The following INSIG1 variants were observed in gnomAD, a reference collection of about 807,000 sequenced individuals.
INSIG1 encodes insulin-induced gene 1 protein.
Under a neutral mutation model 26.5 loss-of-function variants are expected in INSIG1, and 14 were observed. That is an observed-to-expected ratio of 0.53 (90% CI 0.35 to 0.83). The LOEUF is 0.83. INSIG1 is among the 40% of genes least tolerant of loss of function. INSIG1 has a pLI of 0.01. For missense variants in INSIG1, 272 were observed against 368.9 expected, an observed-to-expected ratio of 0.74 and a Z score of 2.15; for synonymous variants, 147 against 153.3, an observed-to-expected ratio of 0.96 and a Z score of 0.30.
intron 5 of INSIG1, chr7:155,303,792 C>T: frequency 8.0e-7 from 1 of 1,255,838 alleles, no homozygotes; most frequent in Non-Finnish European, 1.1e-6. Context: ...GTACCTCATG[C>T]TATTTTTAAA....
At chr7:155,303,915 A>C (rs754911057) in intron 5 of INSIG1, 1 of 1,308,080 alleles carries the variant, frequency 7.6e-7, no homozygotes, top group African/African-American at 1.5e-5. Context: ...GCAGTCTTCC[A>C]CTGGTTACTG....
Position 155,302,549 on chromosome 7 carries a change from T to G in INSIG1, c.704+132T>G, listed in dbSNP as rs538543655. On this transcript the variant is annotated intron_variant, in intron 4 of 5. Transcript: ENST00000340368. This position sits in a 1 kb window ranked among gnomAD's most constrained non-coding sequence, Gnocchi z 4.3. ...TGATACAGATTTAGGCATGAAATTCTCAAAAATGCTGCTATCCATAACTTA... is the reference window on the plus strand; with the variant it reads ...TGATACAGATTTAGGCATGAAATTCGCAAAAATGCTGCTATCCATAACTTA... 4 of 1,078,420 alleles carry G rather than the reference T, an allele frequency of 3.7e-6. No individual in the cohort carries two copies. In the South Asian group the frequency reaches 7.2e-5, roughly 19 times the overall value. 66.8% of individuals were successfully genotyped at this position (1,078,420 alleles called of 1,614,324 possible). A position where few individuals can be genotyped will look rare whatever the true frequency, so the allele number is the denominator to read the frequency against.
intron 5 of INSIG1, among the ~76,000 whole-genome samples, chr7:155,304,506 A>T (rs1238391799): frequency 6.6e-6 from 1 of 152,200 alleles, no homozygotes; most frequent in Non-Finnish European, 1.5e-5. Context: ...AATAACATTT[A>T]AAGAGTTGGT....
chr7:155,304,108 C>T (rs1236570352), intron 5 of INSIG1, among the ~76,000 whole-genome samples: 1 of 151,734 alleles, frequency 6.6e-6, no homozygotes, highest in Non-Finnish European at 1.5e-5. Context: ...GGATTACAGG[C>T]ACATGCCACC....
At chr7:155,307,046 A>G (rs1220082704) in intron 5 of INSIG1, among the ~76,000 whole-genome samples, 2 of 152,242 alleles carry the variant, frequency 1.3e-5, no homozygotes, top group African/African-American at 4.8e-5. Flanking sequence ...ATTAGTGAAC[A>G]GGGAGTCAAA....
intron 1 of INSIG1, 57 bp from the exon 2 acceptor site, chr7:155,298,202 G>A: frequency 7.6e-7 from 1 of 1,315,972 alleles, no homozygotes; most frequent in Non-Finnish European, 9.8e-7. Context: ...CGCGTCCCGC[G>A]GGGCCTTCCT....
At position 155,297,922 on chromosome 7, in the gene INSIG1, C is replaced by G. The variant is rs1797659965; in HGVS notation, c.-65C>G. ...ACTCCTCCTTTCCCCCGCCCCGCCT[C>G]CGTTCGGAGAGCCGGCGGGCGGGCG... is the stretch of plus-strand genomic sequence containing the variant. On this transcript the variant is annotated 5_prime_UTR_variant, in exon 1 of 6. Transcript: ENST00000340368. The G allele has an allele frequency of 5.8e-6, 1 of 173,326 alleles. No individual in the cohort carries two copies. Among genetic ancestry groups the G allele is most frequent in the African/African-American group, 2.4e-5 (1 of 42,282 alleles). 10.7% of individuals were successfully genotyped at this position (173,326 alleles called of 1,614,324 possible).
At chr7:155,304,654 C>CA (rs1451025910) in intron 5 of INSIG1, among the ~76,000 whole-genome samples, 2 of 152,174 alleles carry the variant, frequency 1.3e-5, no homozygotes, top group Non-Finnish European at 2.9e-5. Flanking sequence ...TTGGAGGAAA[C>CA]ATTTTCGTTT....
chr7:155,304,057 G>A (rs1208937380), intron 5 of INSIG1, among the ~76,000 whole-genome samples: 3 of 146,626 alleles, frequency 2.0e-5, no homozygotes, highest in East Asian at 2.0e-4. Flanking sequence ...TTGAGCTCCC[G>A]GACTCAAGCA....
In INSIG1 at chr7:155,302,961, C is replaced by T; in HGVS notation, c.804+115C>T. 3.1e-6 allele frequency: 2 copies of T among 654,492 alleles called. No homozygotes were observed. The highest frequency in any genetic ancestry group is 4.0e-5 in the South Asian group (2 of 50,586). 40.5% of individuals were successfully genotyped at this position (654,492 alleles called of 1,614,324 possible). Reference sequence around the variant, plus strand: ...TATATTCTGGTTCAGACTTGAGTGACAACTACTGAGAAAAGCTTATATTTA... The same window carrying T: ...TATATTCTGGTTCAGACTTGAGTGATAACTACTGAGAAAAGCTTATATTTA... On this transcript the variant is annotated intron_variant, in intron 5 of 5. Coordinates refer to ENST00000340368, the MANE Select transcript of INSIG1 (RefSeq NM_005542.6). This position sits in a 1 kb window ranked among gnomAD's most constrained non-coding sequence, Gnocchi z 4.3.
Position 155,298,414 on chromosome 7 carries a change from C to T in INSIG1, c.129C>T (p.Ser43=), listed in dbSNP as rs751431206. 4.5e-6 allele frequency: 7 copies of T among 1,558,144 alleles called. No individual in the cohort carries two copies. The Admixed American group carries it at 1.2e-4, about 26-fold the overall frequency. The change falls in exon 2 of 6, where the codon TCC becomes TCT. Residue 43 remains serine, a synonymous_variant. Coordinates refer to ENST00000340368, the MANE Select transcript of INSIG1 (RefSeq NM_005542.6). ...GGGAGATGATCAACGTTTCCGTGTC[C>T]GGGCCCTCCCTGCTGGCGGCCCACG... is the stretch of plus-strand genomic sequence containing the variant. ...KVGEMINVSV[S]GPSLLAAHGA...
At chr7:155,308,079 G>A (rs186286439) in intron 5 of INSIG1, among the ~76,000 whole-genome samples, 162 bp from the exon 6 acceptor site, 6 of 152,244 alleles carry the variant, frequency 3.9e-5, no homozygotes, top group East Asian at 1.9e-4. Context: ...AGCTGGCCTC[G>A]GTCTCCAGTT....
In INSIG1 at chr7:155,302,286, G is replaced by A; in HGVS notation, c.573G>A (p.Leu191=). ...LDFANNVQLS[L]TLAALSLGLW... ...TTGCCAATAATGTCCAGCTGTCCTT[G>A]ACTTTAGCAGCCCTATCTTTGGGCC... The change falls in exon 4 of 6, where the codon TTG becomes TTA. Residue 191 remains leucine, a synonymous_variant. Coordinates refer to ENST00000340368, the MANE Select transcript of INSIG1 (RefSeq NM_005542.6). The surrounding 1 kb of genome is among the most constrained non-coding windows in gnomAD (Gnocchi z 4.3). 6.3e-7 allele frequency: 1 copy of A among 1,596,714 alleles called. No homozygotes were observed. The highest frequency in any genetic ancestry group is 1.4e-5 in the African/African-American group (1 of 73,962).
intron 5 of INSIG1, among the ~76,000 whole-genome samples, chr7:155,306,899 C>A (rs1218194671): frequency 2.6e-5 from 4 of 152,244 alleles, no homozygotes; most frequent in Admixed American, 6.5e-5. Context: ...TTAGGCAACA[C>A]TGCTGGAAGT....
At chr7:155,300,511 A>G (rs115634414) in intron 2 of INSIG1, among the ~76,000 whole-genome samples, 2,520 of 152,210 alleles carry the variant, frequency 0.017, 58 homozygotes, top group African/African-American at 0.057. Flanking sequence ...TTTCTTTCAT[A>G]CTACACTGAG....
Position 155,298,450 on chromosome 7 carries a change from C to G in INSIG1, c.165C>G (p.Asp55Glu). 6.4e-7 allele frequency: 1 copy of G among 1,554,904 alleles called. No individual in the cohort carries two copies. The highest frequency in any genetic ancestry group is 8.7e-7 in the Non-Finnish European group (1 of 1,151,230). Residue 55 changes from aspartate to glutamate, a missense_variant, in exon 2 of 6, where the codon GAC becomes GAG. Asp to Glu is a conservative substitution (Grantham distance 45). This residue lies in a region of INSIG1 where 161 missense variants were observed against 179.2 expected (regional missense o/e 0.90). Transcript: ENST00000340368. ...PSLLAAHGAP[D>E]ADPAPRGRSA... is the part of the protein sequence containing the mutation. ...TGCTGGCGGCCCACGGTGCCCCGGA[C>G]GCTGACCCCGCGCCCAGGGGCCGCA...
In INSIG1 at chr7:155,302,480, C is replaced by G; in HGVS notation, c.704+63C>G. 1 of 1,391,382 alleles carries G rather than the reference C, an allele frequency of 7.2e-7. No individual in the cohort carries two copies. Among genetic ancestry groups the G allele is most frequent in the South Asian group, 1.5e-5 (1 of 67,916 alleles). The allele number at this position is 1,391,382 out of a possible 1,614,324, so 86.2% of individuals were successfully genotyped here. On this transcript the variant is annotated intron_variant, in intron 4 of 5. Coordinates refer to ENST00000340368, the MANE Select transcript of INSIG1 (RefSeq NM_005542.6). The surrounding 1 kb of genome is among the most constrained non-coding windows in gnomAD (Gnocchi z 4.3). ...TACTTAACTTTCATTAAAACATCCA[C>G]TAAGCTTAGATATTTTCATATTTTA...
At chr7:155,301,936 T>A (rs1797797851) in intron 3 of INSIG1, among the ~76,000 whole-genome samples, 1 of 62,564 alleles carries the variant, frequency 1.6e-5, no homozygotes, top group South Asian at 3.0e-4. Flanking sequence ...TATATATATT[T>A]TTAAATATAT....
At position 155,302,079 on chromosome 7, in the gene INSIG1, T is replaced by G. The variant is rs1380344621; in HGVS notation, c.538-172T>G. Among the ~76,000 whole-genome samples, 1 of 151,718 alleles carries G rather than the reference T, an allele frequency of 6.6e-6. No homozygotes were observed. The highest frequency in any genetic ancestry group is 1.5e-5 in the Non-Finnish European group (1 of 67,960). On this transcript the variant is annotated intron_variant, in intron 3 of 5. Transcript: ENST00000340368. This position sits in a 1 kb window ranked among gnomAD's most constrained non-coding sequence, Gnocchi z 4.3. ...GGAGATTTCAGGTGATCTTAATGAT[T>G]ACTGTAACCTGTATCCAACAAATCC...
Sources: gnomAD v4.1 joint callset for allele counts (sites outside exome capture counted in the v4.1 genomes callset) on GRCh38, gnomAD v4.1.1 for gene constraint, gnomAD v4.1.1 regional missense constraint, Gnocchi (gnomAD v3.1) non-coding constraint, MANE v1.5 for transcripts, NCBI Gene and HGNC (gene_info 2026-07-23, HGNC 2026-07-21) for gene names.